THSD7B: variants seen among roughly 807,000 people sequenced by gnomAD.
THSD7B encodes thrombospondin type 1 domain containing 7B, also known as thrombospondin type-1 domain-containing protein 7B.
In THSD7B, 138 loss-of-function variants were observed where a neutral mutation model predicts 213.6. The observed-to-expected ratio is 0.65, with a 90% CI of 0.56 to 0.74. THSD7B has a LOEUF of 0.74. THSD7B is among the 30% of genes least tolerant of loss of function. The pLI is 0.00. For missense variants in THSD7B, 1,931 were observed against 1,991.5 expected, an observed-to-expected ratio of 0.97 and a Z score of 0.58; for synonymous variants, 742 against 687.0, an observed-to-expected ratio of 1.08 and a Z score of -1.25.
At chr2:137,242,417 C>G (rs770860071) in intron 9 of THSD7B, 40 bp from the exon 10 acceptor site, 4 of 1,502,562 alleles carry the variant, frequency 2.7e-6, no homozygotes, top group Non-Finnish European at 3.7e-6. Context: ...ACGGCTTAGT[C>G]TCTCAAAAAG....
intron 1 of THSD7B, among the ~76,000 whole-genome samples, chr2:136,767,835 C>T (rs867753004): frequency 1.3e-5 from 2 of 152,118 alleles, no homozygotes; most frequent in Admixed American, 6.5e-5. Context: ...GTTCATAATA[C>T]GATGAGCTCA....
intron 1 of THSD7B, among the ~76,000 whole-genome samples, chr2:136,792,385 G>T (rs1681981661): frequency 1.3e-5 from 2 of 151,886 alleles, no homozygotes; most frequent in Admixed American, 1.3e-4. Context: ...CAATAGATGG[G>T]GCACAGAATA....
At position 137,676,566 on chromosome 2, in the gene THSD7B, G is replaced by T; in HGVS notation, c.4782G>T (p.Lys1594Asn). Residue 1594 changes from lysine (K) to asparagine (N), a missense_variant, in exon 28 of 28, where the codon AAG (lysine) becomes AAT (asparagine). Coordinates refer to ENST00000409968, the MANE Select transcript of THSD7B (RefSeq NM_001316349.2). Reference protein sequence around the residue: ...KPHQSTPPQQKPLTLAYDGDL... With the variant: ...KPHQSTPPQQNPLTLAYDGDL... ...ATCAAAGCACACCTCCCCAACAGAA[G>T]CCTCTGACCTTAGCCTACGATGGAG... 3 of 1,596,466 alleles carry T rather than the reference G, an allele frequency of 1.9e-6. No individual in the cohort carries two copies. Among genetic ancestry groups the T allele is most frequent in the Non-Finnish European group, 2.6e-6 (3 of 1,172,698 alleles).
chr2:137,444,983 A>G (rs947417839), intron 14 of THSD7B, among the ~76,000 whole-genome samples: 4 of 151,810 alleles, frequency 2.6e-5, no homozygotes, highest in African/African-American at 9.7e-5. Context: ...GAAGACATAC[A>G]AATGGCCAAC....
intron 12 of THSD7B, among the ~76,000 whole-genome samples, chr2:137,359,503 C>T (rs1685206152): frequency 6.6e-6 from 1 of 152,004 alleles, no homozygotes; most frequent in South Asian, 2.1e-4. Context: ...GGAAAACTAC[C>T]AAGAGGGGTA....
chr2:137,101,769 G>T (rs942660961), intron 4 of THSD7B, among the ~76,000 whole-genome samples: 7 of 152,182 alleles, frequency 4.6e-5, no homozygotes, highest in African/African-American at 1.4e-4. Context: ...AAACAAAGCT[G>T]CTGGGAAGTT....
intron 12 of THSD7B, among the ~76,000 whole-genome samples, chr2:137,350,370 A>C (rs1684981431): frequency 6.6e-6 from 1 of 151,764 alleles, no homozygotes; most frequent in African/African-American, 2.4e-5. Flanking sequence ...AAGTAATGCT[A>C]TGTGTAAATC....
chr2:136,920,567 C>T (rs1684418832), intron 2 of THSD7B, among the ~76,000 whole-genome samples: 1 of 152,166 alleles, frequency 6.6e-6, no homozygotes, highest in African/African-American at 2.4e-5. Context: ...CAAAAGGCTT[C>T]AATGAAGTTC....
At chr2:137,665,350 G>A (rs1167137295) in intron 26 of THSD7B, among the ~76,000 whole-genome samples, 1 of 152,110 alleles carries the variant, frequency 6.6e-6, no homozygotes, top group Non-Finnish European at 1.5e-5. Context: ...AATATCATAT[G>A]TGTGAGTATA....
At chr2:137,586,466 G>A (rs959950750) in intron 17 of THSD7B, among the ~76,000 whole-genome samples, 2 of 152,158 alleles carry the variant, frequency 1.3e-5, no homozygotes, top group African/African-American at 4.8e-5. Flanking sequence ...TTGTGCAGTG[G>A]GTGGTACCGG....
At chr2:136,994,278 C>T (rs1406716006) in intron 2 of THSD7B, among the ~76,000 whole-genome samples, 5 of 152,128 alleles carry the variant, frequency 3.3e-5, no homozygotes, top group African/African-American at 1.2e-4. Flanking sequence ...TCTAAGAAAG[C>T]CTATAGGGCC....
chr2:137,575,401 T>G (rs1681437437), intron 17 of THSD7B, among the ~76,000 whole-genome samples: 1 of 151,984 alleles, frequency 6.6e-6, no homozygotes, highest in African/African-American at 2.4e-5. Context: ...ACTTGATCTT[T>G]TAGAAATAAA....
intron 12 of THSD7B, among the ~76,000 whole-genome samples, chr2:137,350,813 A>G (rs1195790365): frequency 6.6e-6 from 1 of 151,846 alleles, no homozygotes; most frequent in Non-Finnish European, 1.5e-5. Context: ...GTAGAATGCC[A>G]AAGACTAATT....
At chr2:136,811,478 T>A (rs566647297) in intron 1 of THSD7B, among the ~76,000 whole-genome samples, 4 of 152,162 alleles carry the variant, frequency 2.6e-5, no homozygotes, top group Non-Finnish European at 5.9e-5. Context: ...CATGGGTTAC[T>A]TCTTTAGATT....
chr2:137,332,130 G>A (rs1573966173), intron 12 of THSD7B, among the ~76,000 whole-genome samples: 2 of 152,066 alleles, frequency 1.3e-5, no homozygotes, highest in East Asian at 2.0e-4. Flanking sequence ...CACCGAGAGC[G>A]AGCGAGGGCT....
intron 7 of THSD7B, among the ~76,000 whole-genome samples, chr2:137,174,054 C>T (rs1680315336): frequency 6.6e-6 from 1 of 152,066 alleles, no homozygotes; most frequent in Non-Finnish European, 1.5e-5. Context: ...ACAGATGAGA[C>T]CAAAAGAAAT....
rs557688465 is a variant in THSD7B, at chr2:137,545,316, A to AG, written c.3139-17904dup. Among the ~76,000 whole-genome samples the AG allele has an allele frequency of 4.9e-3, 740 of 151,988 alleles. 5 individuals carry two copies. Among genetic ancestry groups the AG allele is most frequent in the African/African-American group, 0.016 (682 of 41,508 alleles). ...TAAGTATTAATATCAGGTTATGAAGAGAAAAACTAGACCCCAAGAGTCCCG... is the reference window on the plus strand; with the variant it reads ...TAAGTATTAATATCAGGTTATGAAGAGGAAAAACTAGACCCCAAGAGTCCCG... On this transcript the variant is annotated intron_variant, in intron 15 of 27. Coordinates refer to ENST00000409968, the MANE Select transcript of THSD7B (RefSeq NM_001316349.2).
intron 1 of THSD7B, among the ~76,000 whole-genome samples, chr2:136,801,560 G>T (rs942135272): frequency 6.6e-6 from 1 of 152,026 alleles, no homozygotes; most frequent in African/African-American, 2.4e-5. Context: ...TTTTAAATAA[G>T]GTTCAAACAG....
chr2:137,356,056 G>A (rs1459166413), intron 12 of THSD7B, among the ~76,000 whole-genome samples: 1 of 152,138 alleles, frequency 6.6e-6, no homozygotes, highest in Non-Finnish European at 1.5e-5. Context: ...GTTGAAGGCT[G>A]CTCTGCTGTG....
Sources: allele counts gnomAD v4.1 joint callset (sites outside exome capture counted in the v4.1 genomes callset), GRCh38; gene constraint gnomAD v4.1.1; transcripts MANE v1.5; gene names NCBI Gene and HGNC (gene_info 2026-07-23, HGNC 2026-07-21).